The following RALGAPA2 variants were observed in gnomAD, a reference collection of about 807,000 sequenced individuals.
The protein encoded by RALGAPA2 is Ral GTPase activating protein catalytic subunit alpha 2.
In RALGAPA2, 139 loss-of-function variants were observed where a neutral mutation model predicts 230.4. The ratio of observed to expected loss-of-function variants is 0.60; its 90% confidence interval spans 0.53 to 0.69. RALGAPA2 has a LOEUF of 0.69. Ranked by LOEUF, RALGAPA2 falls within the 30% of genes least tolerant of loss-of-function variation. RALGAPA2 has a pLI of 0.00. For missense variants in RALGAPA2, 2,163 were observed against 2,276.0 expected, an observed-to-expected ratio of 0.95 and a Z score of 1.01; for synonymous variants, 847 against 837.8, an observed-to-expected ratio of 1.01 and a Z score of -0.19.
At chr20:20,557,193 C>T (rs1377683884) in intron 23 of RALGAPA2, among the ~76,000 whole-genome samples, 1 of 151,956 alleles carries the variant, frequency 6.6e-6, no homozygotes, top group Non-Finnish European at 1.5e-5. Context: ...ACCTGTAATC[C>T]CAGCTACTCA....
chr20:20,405,979 T>C (rs2059936570), intron 38 of RALGAPA2, among the ~76,000 whole-genome samples: 1 of 152,162 alleles, frequency 6.6e-6, no homozygotes, highest in South Asian at 2.1e-4. Flanking sequence ...TACCAGTCTC[T>C]AAAGAATTTA....
intron 37 of RALGAPA2, among the ~76,000 whole-genome samples, chr20:20,450,884 C>A (rs1054835757): frequency 4.6e-5 from 7 of 152,324 alleles, no homozygotes; most frequent in African/African-American, 1.7e-4. Context: ...AGTTCAGGCT[C>A]AGCAGTGTCT....
intron 17 of RALGAPA2, among the ~76,000 whole-genome samples, chr20:20,590,083 TAATTAACA>T (rs1314698944): frequency 6.6e-6 from 1 of 151,810 alleles, no homozygotes; most frequent in Non-Finnish European, 1.5e-5. Flanking sequence ...TAAATTAAGC[TAATTAACA>T]TGTATCACAT....
At position 20,503,363 on chromosome 20, in the gene RALGAPA2, G is replaced by A. The variant is rs1398628631; in HGVS notation, c.5196C>T (p.Ser1732=). 2 of 1,590,342 alleles carry A rather than the reference G, an allele frequency of 1.3e-6. No homozygotes were observed. The highest frequency in any genetic ancestry group is 1.7e-6 in the Non-Finnish European group (2 of 1,165,894). Reference sequence around the variant, plus strand: ...GGAGACCCCTTACCTTTTTGGTGAGGGAATCATCTGAGTCTGACGGCATTC... The same window carrying A: ...GGAGACCCCTTACCTTTTTGGTGAGAGAATCATCTGAGTCTGACGGCATTC... ...STRMPSDSDD[S]LTKKLRHLGN... is the part of the protein sequence containing the mutation. Residue 1732 remains serine, a synonymous_variant, in exon 35 of 40, where the codon TCC becomes TCT. Transcript: ENST00000202677.
intron 12 of RALGAPA2, among the ~76,000 whole-genome samples, chr20:20,616,660 CT>C (rs1343865281): frequency 6.6e-6 from 1 of 152,162 alleles, no homozygotes; most frequent in African/African-American, 2.4e-5. Context: ...ACATGAACTC[CT>C]TGCTGACAGA....
intron 23 of RALGAPA2, among the ~76,000 whole-genome samples, chr20:20,559,205 G>T (rs903902238): frequency 6.6e-6 from 1 of 152,106 alleles, no homozygotes; most frequent in African/African-American, 2.4e-5. Context: ...CAACATTTTT[G>T]TGTTCTGCAA....
At chr20:20,697,111 A>G (rs1000982308) in intron 1 of RALGAPA2, among the ~76,000 whole-genome samples, 1 of 152,158 alleles carries the variant, frequency 6.6e-6, no homozygotes, top group East Asian at 1.9e-4. Flanking sequence ...AATAGCAGAC[A>G]CTCAGTCACT....
At chr20:20,405,672 G>A (rs536658398) in intron 38 of RALGAPA2, among the ~76,000 whole-genome samples, 1 of 152,292 alleles carries the variant, frequency 6.6e-6, no homozygotes, top group East Asian at 1.9e-4. Flanking sequence ...GACCATCTAC[G>A]AAAGCACCTC....
At chr20:20,674,458 T>C (rs2068247161) in intron 3 of RALGAPA2, among the ~76,000 whole-genome samples, 1 of 152,126 alleles carries the variant, frequency 6.6e-6, no homozygotes, top group African/African-American at 2.4e-5. Flanking sequence ...AACAAAACTC[T>C]CTTTAGATCA....
chr20:20,615,157 G>T (rs1276147134), intron 13 of RALGAPA2, among the ~76,000 whole-genome samples: 1 of 151,506 alleles, frequency 6.6e-6, no homozygotes, highest in Non-Finnish European at 1.5e-5. Flanking sequence ...GGAGTAACGT[G>T]AGGACTTTTT....
At chr20:20,464,856 C>T (rs2061379799) in intron 37 of RALGAPA2, among the ~76,000 whole-genome samples, 1 of 152,080 alleles carries the variant, frequency 6.6e-6, no homozygotes, top group Non-Finnish European at 1.5e-5. Context: ...TTTGCTTCCT[C>T]TTGAATCCTA....
At chr20:20,666,630 G>A (rs1049912775) in intron 3 of RALGAPA2, among the ~76,000 whole-genome samples, 1 of 152,198 alleles carries the variant, frequency 6.6e-6, no homozygotes, top group Non-Finnish European at 1.5e-5. Flanking sequence ...TAACAAAGCA[G>A]AGAAAAGCGC....
chr20:20,490,892 A>ACACT (rs768183714), intron 36 of RALGAPA2, among the ~76,000 whole-genome samples: 3 of 150,012 alleles, frequency 2.0e-5, no homozygotes, highest in African/African-American at 7.4e-5. Context: ...ACACACACAC[A>ACACT]CACTCACACT....
chr20:20,511,115 C>A, intron 33 of RALGAPA2, 139 bp downstream of exon 33: 2 of 1,384,142 alleles, frequency 1.4e-6, no homozygotes, highest in Non-Finnish European at 1.9e-6. Context: ...GTATGGCATG[C>A]GCAAATGTCA....
chr20:20,494,004 T>G (rs1004678833), intron 36 of RALGAPA2, among the ~76,000 whole-genome samples: 1 of 152,332 alleles, frequency 6.6e-6, no homozygotes, highest in Non-Finnish European at 1.5e-5. Context: ...ATAATAAGCA[T>G]GTTAAACTTG....
intron 30 of RALGAPA2, among the ~76,000 whole-genome samples, chr20:20,521,925 C>A (rs2063055282): frequency 6.6e-6 from 1 of 152,178 alleles, no homozygotes; most frequent in Non-Finnish European, 1.5e-5. Flanking sequence ...TGGTCAGGTA[C>A]CCTTTGTAAA....
chr20:20,659,699 G>C, intron 3 of RALGAPA2: 1 of 464,744 alleles, frequency 2.2e-6, no homozygotes, highest in Admixed American at 3.0e-5. Context: ...GGCAACAGCA[G>C]CAGCGAGAGG....
chr20:20,572,561 T>C (rs1401787981), intron 21 of RALGAPA2, among the ~76,000 whole-genome samples: 1 of 152,208 alleles, frequency 6.6e-6, no homozygotes, highest in Non-Finnish European at 1.5e-5. Context: ...TTCTTCTTTG[T>C]ATTTTTCTAC....
chr20:20,624,399 G>A (rs571998308), intron 10 of RALGAPA2, among the ~76,000 whole-genome samples: 1 of 149,138 alleles, frequency 6.7e-6, no homozygotes. Flanking sequence ...TAAGGCATAA[G>A]CGTTCCAGGA....
Sources: allele counts gnomAD v4.1 joint callset (sites outside exome capture counted in the v4.1 genomes callset), GRCh38; gene constraint gnomAD v4.1.1; transcripts MANE v1.5; gene names NCBI Gene and HGNC (gene_info 2026-07-23, HGNC 2026-07-21).